The following OCLN variants were observed in gnomAD, a reference collection of about 807,000 sequenced individuals.
OCLN encodes the protein occludin, also known as phosphatase 1, regulatory subunit 115.
Under a neutral mutation model 47.9 loss-of-function variants are expected in OCLN, and 21 were observed. The ratio of observed to expected loss-of-function variants is 0.44; its 90% CI spans 0.31 to 0.63. The LOEUF is 0.63. Ranked by LOEUF, OCLN falls within the 30% of genes least tolerant of loss-of-function variation. The pLI is 0.08. For synonymous variants in OCLN, 117 were observed against 198.4 expected, an observed-to-expected ratio of 0.59 and a Z score of 3.45; for missense variants, 360 against 571.0, an observed-to-expected ratio of 0.63 and a Z score of 3.77.
chr5:69,532,987 A>G (rs1769475846), intron 4 of OCLN, among the ~76,000 whole-genome samples: 1 of 75,986 alleles, frequency 1.3e-5, no homozygotes, highest in African/African-American at 5.5e-5. Flanking sequence ...ATATATATAT[A>G]TGTATGCATG....
At chr5:69,527,597 A>G (rs1042754961) in intron 4 of OCLN, among the ~76,000 whole-genome samples, 3 of 152,124 alleles carry the variant, frequency 2.0e-5, no homozygotes, top group African/African-American at 4.8e-5. Flanking sequence ...AAAAAGAGCA[A>G]CCTTATGGTG....
intron 4 of OCLN, among the ~76,000 whole-genome samples, chr5:69,533,452 T>TA (rs1561350078): frequency 6.6e-6 from 1 of 152,138 alleles, no homozygotes; most frequent in Non-Finnish European, 1.5e-5. Flanking sequence ...ATAACGTTGT[T>TA]ACATCGTCGA....
At chr5:69,536,642 G>T (rs1769593738) in intron 5 of OCLN, among the ~76,000 whole-genome samples, 1 of 148,848 alleles carries the variant, frequency 6.7e-6, no homozygotes, top group African/African-American at 2.5e-5. Context: ...GTGCACTCCA[G>T]CCTGCGTGAC....
rs746908073 is a variant in OCLN, at chr5:69,509,296, CTA to C, written c.208_209del (p.Met70AlafsTer31). 6.2e-7 allele frequency: 1 copy of C among 1,614,232 alleles called. No homozygotes were observed. The highest frequency in any genetic ancestry group is 8.5e-7 in the Non-Finnish European group (1 of 1,180,044). On this transcript the variant is annotated frameshift_variant, in exon 3 of 9. Transcript: ENST00000396442. LOFTEE classifies it high-confidence loss of function. ...CCTCCAGGAGTGATTCGGATCCTGT[CTA>C]TGCTCATTATTGTGATGTGCATTGC...
At chr5:69,515,525 G>C (rs1417270531) in intron 4 of OCLN, among the ~76,000 whole-genome samples, 1 of 111,234 alleles carries the variant, frequency 9.0e-6, no homozygotes, top group Admixed American at 8.4e-5. Flanking sequence ...GCGGCTGGCC[G>C]GGCGGGGGGC....
intron 4 of OCLN, among the ~76,000 whole-genome samples, chr5:69,518,913 G>C (rs1334095587): frequency 6.6e-6 from 1 of 152,128 alleles, no homozygotes; most frequent in African/African-American, 2.4e-5. Flanking sequence ...GGCCAAGGAG[G>C]ATCACTTGAG....
chr5:69,501,337 A>T (rs1332944784), intron 1 of OCLN, among the ~76,000 whole-genome samples: 1 of 152,226 alleles, frequency 6.6e-6, no homozygotes, highest in Non-Finnish European at 1.5e-5. Flanking sequence ...TTACTAGAAT[A>T]TAGAGAAATT....
At position 69,516,461 on chromosome 5, in the gene OCLN, CG is replaced by C. The variant is rs1768973516; in HGVS notation, c.891+2354del. ...AGATGGCAGCAGTACAGTCCAGCTT[CG>C]GCTCGGCATCAGTGGGAGACCGTGG... is the stretch of plus-strand genomic sequence containing the variant. On this transcript the variant is annotated intron_variant, in intron 4 of 8. Coordinates refer to ENST00000396442, the MANE Select transcript of OCLN (RefSeq NM_001205254.2). Among the ~76,000 whole-genome samples, 4 of 151,712 alleles carry C rather than the reference CG, an allele frequency of 2.6e-5. No homozygotes were observed. The South Asian group carries it at 8.4e-4, about 32-fold the overall frequency.
In OCLN at chr5:69,557,983, TA is replaced by T. The variant is rs1769986032; in HGVS notation, c.*4314del. ...GTAAATGATTAGAATATGTCAGTCA[TA>T]ATCATGCCAAGAGATTATGGATTTA... is the stretch of plus-strand genomic sequence containing the variant. On this transcript the variant is annotated 3_prime_UTR_variant, in exon 9 of 9. Transcript: ENST00000396442. The T allele has an allele frequency of 6.8e-6, 1 of 147,672 alleles. No individual in the cohort carries two copies. Among genetic ancestry groups the T allele is most frequent in the African/African-American group, 2.5e-5 (1 of 40,630 alleles). 9.1% of individuals were successfully genotyped at this position (147,672 alleles called of 1,614,324 possible). A position where few individuals can be genotyped will look rare whatever the true frequency, so the allele number is the denominator to read the frequency against.
chr5:69,522,328 T>A (rs1438809243), intron 4 of OCLN, among the ~76,000 whole-genome samples: 1 of 152,206 alleles, frequency 6.6e-6, no homozygotes, highest in African/African-American at 2.4e-5. Flanking sequence ...CATATGTCAG[T>A]CCTTGGTACA....
intron 1 of OCLN, among the ~76,000 whole-genome samples, chr5:69,503,377 C>T (rs1275272876): frequency 1.3e-5 from 2 of 152,178 alleles, no homozygotes; most frequent in South Asian, 2.1e-4. Flanking sequence ...TCTTACTCAT[C>T]CTCCATCCAC....
rs1183703510 is a variant in OCLN at position 69,554,875 on chromosome 5, A to C, written c.*1204A>C. 3 of 151,658 alleles carry C rather than the reference A, an allele frequency of 2.0e-5. No homozygotes were observed. Among genetic ancestry groups the C allele is most frequent in the African/African-American group, 4.8e-5 (2 of 41,326 alleles). 9.4% of individuals were successfully genotyped at this position (151,658 alleles called of 1,614,324 possible). A position where few individuals can be genotyped will look rare whatever the true frequency, so the allele number is the denominator to read the frequency against. On this transcript the variant is annotated 3_prime_UTR_variant, in exon 9 of 9. Coordinates refer to ENST00000396442, the MANE Select transcript of OCLN (RefSeq NM_001205254.2). ...ATCATCCCAGCTTAGACTTTTCTAA[A>C]AACTTTTTTTTAGAATAATCTATAA...
chr5:69,519,566 A>G (rs1769075757), intron 4 of OCLN, among the ~76,000 whole-genome samples: 1 of 152,082 alleles, frequency 6.6e-6, no homozygotes, highest in Non-Finnish European at 1.5e-5. Flanking sequence ...ACTCAGATGG[A>G]TACCAGTTTG....
rs1285246768 is a variant in OCLN at position 69,554,562 on chromosome 5, T to C, written c.*891T>C. ...ATAAGGTATTAAACCTGGTGTTTTC[T>C]TTCCATAATAACCTGTTTGATGTTA... On this transcript the variant is annotated 3_prime_UTR_variant, in exon 9 of 9. Transcript: ENST00000396442. The C allele has an allele frequency of 1.3e-5, 2 of 152,034 alleles. No individual in the cohort carries two copies. Among genetic ancestry groups the C allele is most frequent in the South Asian group, 2.1e-4 (1 of 4,820 alleles). 9.4% of individuals were successfully genotyped at this position (152,034 alleles called of 1,614,324 possible).
chr5:69,527,819 C>T, intron 4 of OCLN, among the ~76,000 whole-genome samples: 1 of 151,800 alleles, frequency 6.6e-6, no homozygotes, highest in Non-Finnish European at 1.5e-5. Flanking sequence ...TCTGACCTCC[C>T]ATTCTGTCAT....
chr5:69,536,281 C>G (rs1308514742), intron 5 of OCLN, among the ~76,000 whole-genome samples: 1 of 148,156 alleles, frequency 6.7e-6, no homozygotes, highest in Non-Finnish European at 1.5e-5. Flanking sequence ...TATACTTAGG[C>G]TACACTAAAT....
intron 1 of OCLN, among the ~76,000 whole-genome samples, chr5:69,498,891 C>G (rs1768378664): frequency 6.6e-6 from 1 of 152,084 alleles, no homozygotes; most frequent in African/African-American, 2.4e-5. Context: ...GTTGGCCAGG[C>G]TGGTCTCGAA....
At position 69,493,313 on chromosome 5, in the gene OCLN, G is replaced by T. The variant is rs1034212182; in HGVS notation, c.-69+413G>T. Among the ~76,000 whole-genome samples, 3 of 152,192 alleles carry T rather than the reference G, an allele frequency of 2.0e-5. No individual in the cohort carries two copies. The highest frequency in any genetic ancestry group is 4.4e-5 in the Non-Finnish European group (3 of 67,994). On this transcript the variant is annotated intron_variant, in intron 1 of 8. Coordinates refer to ENST00000396442, the MANE Select transcript of OCLN (RefSeq NM_001205254.2). This position sits in a 1 kb window ranked among gnomAD's most constrained non-coding sequence, Gnocchi z 5.3. The stretch of plus-strand genomic sequence containing the variant: ...GGATCCTGCGCCCAGCTCCTTGGGG[G>T]TCCTAAGCCTGAGGCTGCAGCGAGG...
chr5:69,531,797 G>A (rs890827778), intron 4 of OCLN, among the ~76,000 whole-genome samples: 2 of 152,328 alleles, frequency 1.3e-5, no homozygotes, highest in East Asian at 3.9e-4. Flanking sequence ...CTTTCTGTAT[G>A]TGATACTGCC....
Sources: allele counts gnomAD v4.1 joint callset (sites outside exome capture counted in the v4.1 genomes callset), GRCh38; gene constraint gnomAD v4.1.1; non-coding constraint Gnocchi (gnomAD v3.1); transcripts MANE v1.5; gene names NCBI Gene and HGNC (gene_info 2026-07-23, HGNC 2026-07-21).